Variants in ZSCAN10 observed in about 807,000 individuals in gnomAD.
ZSCAN10 encodes zinc finger and SCAN domain containing 10.
Under a neutral mutation model 63.7 loss-of-function variants are expected in ZSCAN10, and 52 were observed. That is an observed-to-expected ratio of 0.82 (90% CI 0.65 to 1.03). The LOEUF (loss-of-function observed/expected upper bound fraction) is 1.03. Among genes scored for constraint, ZSCAN10 ranks in the 50% least tolerant of loss-of-function variants. The pLI, the probability that ZSCAN10 is intolerant of heterozygous loss-of-function variation, is 0.00. For synonymous variants in ZSCAN10, 544 were observed against 479.6 expected, an observed-to-expected ratio of 1.13 and a Z score of -1.76; for missense variants, 1,223 against 1,103.8, an observed-to-expected ratio of 1.11 and a Z score of -1.53.
chr16:3,098,573 G>A (rs1957184392), intron 1 of ZSCAN10, among the ~76,000 whole-genome samples: 1 of 152,178 alleles, frequency 6.6e-6, no homozygotes, highest in Non-Finnish European at 1.5e-5. Context: ...AGGTTTCAAA[G>A]AGGTGGAATT....
In ZSCAN10 at chr16:3,089,871, G is replaced by A; in HGVS notation, c.1563C>T (p.Pro521=). 6.5e-7 allele frequency: 1 copy of A among 1,538,668 alleles called. No homozygotes were observed. The highest frequency in any genetic ancestry group is 8.7e-7 in the Non-Finnish European group (1 of 1,147,394). The change falls in exon 6 of 6, where the codon CCC becomes CCT. Residue 521 remains proline (P), a synonymous_variant. Coordinates refer to ENST00000576985, the MANE Select transcript of ZSCAN10 (RefSeq NM_032805.3). Reference sequence around the variant, plus strand: ...CCTTGCCGCAGTCGCTGCACACGAAGGGCCTCCGGTCGGAGTCCCGGCGGC... The same window carrying A: ...CCTTGCCGCAGTCGCTGCACACGAAAGGCCTCCGGTCGGAGTCCCGGCGGC... ...GSRRRDSDRR[P]FVCSDCGKAF... is the part of the protein sequence containing the mutation.
intron 1 of ZSCAN10, among the ~76,000 whole-genome samples, chr16:3,093,667 T>C (rs1000378431): frequency 1.3e-5 from 2 of 149,178 alleles, no homozygotes; most frequent in Admixed American, 6.8e-5. Flanking sequence ...AAAAGTTTGT[T>C]TTTTAAAGCT....
rs1957035733 is a variant in ZSCAN10, at chr16:3,089,556, G to A, written c.1878C>T (p.Arg626=). ...GGCAGGGCTTCTCGCCCGTGTGGCT[G>A]CGCTGGTGGCGGGCCAGATCCTGGG... ...GQTQDLARHQ[R]SHTGEKPCRC... The change falls in exon 6 of 6, where the codon CGC becomes CGT. Residue 626 remains arginine (R), a synonymous_variant. Coordinates refer to ENST00000576985, the MANE Select transcript of ZSCAN10 (RefSeq NM_032805.3). 1.9e-6 allele frequency: 3 copies of A among 1,596,576 alleles called. No homozygotes were observed. The highest frequency in any genetic ancestry group is 1.3e-5 in the African/African-American group (1 of 74,110).
At chr16:3,091,985 C>T (rs1957083966) in intron 3 of ZSCAN10, 64 bp downstream of exon 3, 2 of 1,560,292 alleles carry the variant, frequency 1.3e-6, no homozygotes, top group Admixed American at 1.8e-5. Context: ...TCTCACCCCA[C>T]CCCAGACATC....
rs867878998 is a variant in ZSCAN10, at chr16:3,093,543, A to G, written c.-67-539T>C. On this transcript the variant is annotated intron_variant, in intron 1 of 5. Coordinates refer to ENST00000576985, the MANE Select transcript of ZSCAN10 (RefSeq NM_032805.3). ...AAAAAAAAAAAAAGAAATTTGCATC[A>G]CTTTTCCCAAGTGATTAAAGTGACC... Among the ~76,000 whole-genome samples the G allele has an allele frequency of 1.5e-4, 23 of 150,802 alleles. 1 individual carries two copies. The highest frequency in any genetic ancestry group is 5.6e-4 in the African/African-American group (23 of 40,998).
In ZSCAN10 at chr16:3,089,707, T is replaced by G; in HGVS notation, c.1727A>C (p.Lys576Thr). The G allele has an allele frequency of 6.2e-7, 1 of 1,603,398 alleles. No homozygotes were observed. The highest frequency in any genetic ancestry group is 1.1e-5 in the South Asian group (1 of 90,606). The change falls in exon 6 of 6, where the codon AAG (lysine) becomes ACG (threonine). Residue 576 changes from lysine to threonine, a missense_variant. Coordinates refer to ENST00000576985, the MANE Select transcript of ZSCAN10 (RefSeq NM_032805.3). ...VSHQRVHTGE[K>T]PYACPQCGKR... is the part of the protein sequence containing the mutation. Reference sequence around the variant, plus strand: ...CCCGCACTGCGGACAGGCGTAGGGCTTCTCGCCCGTGTGCACCCGTTGGTG... The same window carrying G: ...CCCGCACTGCGGACAGGCGTAGGGCGTCTCGCCCGTGTGCACCCGTTGGTG...
chr16:3,099,184 A>T lies in ZSCAN10; in HGVS notation c.-68+6T>A, dbSNP rs1476990116. 1 of 152,138 alleles carries T rather than the reference A, an allele frequency of 6.6e-6. No individual in the cohort carries two copies. The highest frequency in any genetic ancestry group is 2.4e-5 in the African/African-American group (1 of 41,190). The allele number at this position is 152,138 out of a possible 1,614,324, so 9.4% of individuals were successfully genotyped here. A position where few individuals can be genotyped will look rare whatever the true frequency, so the allele number is the denominator to read the frequency against. On this transcript the variant is annotated splice_donor_region_variant and intron_variant, in intron 1 of 5. Coordinates refer to ENST00000576985, the MANE Select transcript of ZSCAN10 (RefSeq NM_032805.3). ...CAGCCTGCACCCCGACCTCCCTCCA[A>T]CTCACCACTCGGAGTCCCCACTACA...
At chr16:3,091,977 T>C in intron 3 of ZSCAN10, 72 bp downstream of exon 3, 1 of 1,564,500 alleles carries the variant, frequency 6.4e-7, no homozygotes, top group Non-Finnish European at 8.7e-7. Context: ...GCCCCACTTC[T>C]CACCCCACCC....
intron 1 of ZSCAN10, chr16:3,093,433 G>A (rs911081220): frequency 3.3e-5 from 5 of 151,444 alleles, no homozygotes; most frequent in African/African-American, 1.2e-4. Context: ...TGAGAATGGT[G>A]TGAACCTGGG....
chr16:3,096,088 G>A (rs538900796), intron 1 of ZSCAN10, among the ~76,000 whole-genome samples: 1 of 152,304 alleles, frequency 6.6e-6, no homozygotes, highest in East Asian at 1.9e-4. Context: ...GGGCTGTGGG[G>A]CTTCCCCTTC....
At chr16:3,094,087 A>T (rs549345318) in intron 1 of ZSCAN10, among the ~76,000 whole-genome samples, 1 of 152,300 alleles carries the variant, frequency 6.6e-6, no homozygotes, top group South Asian at 2.1e-4. Context: ...ATCACGGCTC[A>T]CTGCAGCCTT....
chr16:3,096,682 G>T (rs2151218832), intron 1 of ZSCAN10, among the ~76,000 whole-genome samples: 1 of 152,240 alleles, frequency 6.6e-6, no homozygotes, highest in East Asian at 1.9e-4. Context: ...AATCCCAGCA[G>T]TGTGGGTGGC....
chr16:3,092,009 G>T, intron 3 of ZSCAN10, 40 bp downstream of exon 3: 1 of 1,550,590 alleles, frequency 6.4e-7, no homozygotes, highest in South Asian at 1.2e-5. Context: ...GCCCCTCCGC[G>T]ACACCCAGTC....
intron 1 of ZSCAN10, among the ~76,000 whole-genome samples, chr16:3,094,098 G>C (rs1394132842): frequency 6.6e-6 from 1 of 152,176 alleles, no homozygotes; most frequent in East Asian, 1.9e-4. Context: ...CTGCAGCCTT[G>C]ATCTGCTGGG....
chr16:3,090,816 G>C (rs1259138413), intron 5 of ZSCAN10, among the ~76,000 whole-genome samples, 170 bp from the exon 6 acceptor site: 1 of 151,198 alleles, frequency 6.6e-6, no homozygotes, highest in African/African-American at 2.4e-5. Flanking sequence ...TTGGGAGCCC[G>C]AGGCGGGCGG....
intron 3 of ZSCAN10, 58 bp from the exon 4 acceptor site, chr16:3,091,886 T>C: frequency 6.3e-7 from 1 of 1,589,360 alleles, no homozygotes; most frequent in Non-Finnish European, 8.6e-7. Context: ...CTGCCTGCCA[T>C]ATGGCTGCAA....
chr16:3,092,848 G>C lies in ZSCAN10; in HGVS notation c.90C>G (p.Asp30Glu). Residue 30 changes from aspartate (D) to glutamate (E), a missense_variant, in exon 2 of 6, where the codon GAC becomes GAG. Asp to Glu is a conservative substitution (Grantham distance 45, BLOSUM62 2). Transcript: ENST00000576985. ...LEEEEAVSPEDPRRPESRLRP... is the reference protein window; with the variant it reads ...LEEEEAVSPEEPRRPESRLRP... ...TCAGCCTGGACTCTGGTCGCCTGGG[G>C]TCCTCTGGGCTGACAGCCTCCTCCT... The C allele has an allele frequency of 6.8e-7, 1 of 1,474,280 alleles. No individual in the cohort carries two copies. The highest frequency in any genetic ancestry group is 9.0e-7 in the Non-Finnish European group (1 of 1,108,190). The allele number at this position is 1,474,280 out of a possible 1,614,324, so 91.3% of individuals were successfully genotyped here.
At position 3,092,888 on chromosome 16, in the gene ZSCAN10, T is replaced by G. The variant is rs1957105177; in HGVS notation, c.50A>C (p.Glu17Ala). Residue 17 changes from glutamate to alanine, a missense_variant, in exon 2 of 6, where the codon GAA becomes GCA. By Grantham distance (107) the Glu-to-Ala change is moderately radical. Transcript: ENST00000576985. Reference protein sequence around the residue: ...PAAVEQEQLGEVKLEEEEAVS... With the variant: ...PAAVEQEQLGAVKLEEEEAVS... Reference sequence around the variant, plus strand: ...AGCCTCCTCCTCCTCCAGCTTGACTTCCCCCAGCTGCTCCTGCTCCACGGC... The same window carrying G: ...AGCCTCCTCCTCCTCCAGCTTGACTGCCCCCAGCTGCTCCTGCTCCACGGC... The G allele has an allele frequency of 6.9e-7, 1 of 1,440,540 alleles. No homozygotes were observed. The highest frequency in any genetic ancestry group is 9.1e-7 in the Non-Finnish European group (1 of 1,094,964). The allele number at this position is 1,440,540 out of a possible 1,614,324, so 89.2% of individuals were successfully genotyped here.
chr16:3,093,856 T>C (rs937250136), intron 1 of ZSCAN10, among the ~76,000 whole-genome samples: 1 of 151,938 alleles, frequency 6.6e-6, no homozygotes, highest in African/African-American at 2.4e-5. Flanking sequence ...AGCTAATTTT[T>C]GCATTTTTAG....
Sources: allele counts gnomAD v4.1 joint callset (sites outside exome capture counted in the v4.1 genomes callset), GRCh38; gene constraint gnomAD v4.1.1; transcripts MANE v1.5; gene names NCBI Gene and HGNC (gene_info 2026-07-23, HGNC 2026-07-21).